Variants in EIF4B observed in about 807,000 individuals in gnomAD.
The protein encoded by EIF4B is eukaryotic translation initiation factor 4B.
Under a neutral mutation model 79.3 loss-of-function variants are expected in EIF4B, and 8 were observed. The observed-to-expected ratio is 0.10, with a 90% CI of 0.06 to 0.18. EIF4B has a LOEUF of 0.18. Among genes scored for constraint, EIF4B ranks in the 10% least tolerant of loss-of-function variants. The pLI, the probability that EIF4B is intolerant of heterozygous loss-of-function variation, is 1.00. For missense variants in EIF4B, 515 were observed against 792.4 expected (o/e 0.65, Z 4.20); for synonymous variants, 238 against 274.7 (o/e 0.87, Z 1.32).
intron 8 of EIF4B, among the ~76,000 whole-genome samples, chr12:53,032,384 G>C (rs1943461775): frequency 6.6e-6 from 1 of 152,180 alleles, no homozygotes; most frequent in Non-Finnish European, 1.5e-5. Context: ...AGTGAGTTGA[G>C]ATCACACCAC....
intron 8 of EIF4B, among the ~76,000 whole-genome samples, chr12:53,031,076 C>A (rs1943436113): frequency 6.6e-6 from 1 of 152,176 alleles, no homozygotes; most frequent in African/African-American, 2.4e-5. Context: ...TTGCTGCACC[C>A]ACGTTACTGG....
rs1242828464 is a variant in EIF4B at position 53,039,678 on chromosome 12, G to A, written c.1731G>A (p.Lys577=). 1.9e-6 allele frequency: 3 copies of A among 1,613,758 alleles called. No individual in the cohort carries two copies. The highest frequency in any genetic ancestry group is 2.2e-5 in the South Asian group (2 of 91,058). ...ACTCCAGATCTGCACCTGAGCCAAA[G>A]AAACCTGAGGAAAATCCAGCTTCCG... The part of the protein sequence containing the change: ...DQDSRSAPEP[K]KPEENPASKF... Residue 577 remains lysine, a synonymous_variant, in exon 14 of 15, where the codon AAG becomes AAA. Transcript: ENST00000262056.
intron 8 of EIF4B, among the ~76,000 whole-genome samples, chr12:53,031,648 G>A (rs1943448750): frequency 6.6e-6 from 1 of 152,182 alleles, no homozygotes. Flanking sequence ...AAGTGACGGG[G>A]CTATAACACA....
Position 53,027,866 on chromosome 12 carries a change from G to A in EIF4B, c.752G>A (p.Arg251Gln), listed in dbSNP as rs1943364616. Residue 251 changes from arginine (R) to glutamine (Q), a missense_variant, in exon 7 of 15, where the codon CGA (arginine) becomes CAA (glutamine). Physicochemically the swap from Arg to Gln is conservative, Grantham distance 43. This residue lies in a region of EIF4B where 187 missense variants were observed against 256.5 expected (regional missense o/e 0.73). Coordinates refer to ENST00000262056, the MANE Select transcript of EIF4B (RefSeq NM_001417.7). ...GATGGCCCACGCCGGGATATGGATC[G>A]ATATGGTGGCCGGGATCGCTATGAT... is the stretch of plus-strand genomic sequence containing the variant. ...YRDGPRRDMD[R>Q]YGGRDRYDDR... 8 of 1,614,244 alleles carry A rather than the reference G, an allele frequency of 5.0e-6. No homozygotes were observed. Among genetic ancestry groups the A allele is most frequent in the East Asian group, 2.2e-5 (1 of 44,894 alleles).
intron 8 of EIF4B, among the ~76,000 whole-genome samples, chr12:53,030,550 T>G (rs1390152597): frequency 1.3e-5 from 2 of 150,440 alleles, no homozygotes; most frequent in African/African-American, 2.4e-5. Flanking sequence ...GCTTCCCAAG[T>G]AGCTGGGCTT....
intron 8 of EIF4B, 93 bp downstream of exon 8, chr12:53,028,281 A>C: frequency 6.8e-7 from 1 of 1,464,692 alleles, no homozygotes; most frequent in Non-Finnish European, 9.1e-7. Flanking sequence ...AGTTGGGCAC[A>C]AATATAATTT....
rs747259852 is a variant in EIF4B, at chr12:53,019,889, T to C, written c.361-21T>C. 159 of 1,601,902 alleles carry C rather than the reference T, an allele frequency of 9.9e-5. 3 individuals carry two copies. In the South Asian group the frequency reaches 1.6e-3, roughly 16 times the overall value. Reference sequence around the variant, plus strand: ...GAAGAAGAATGCTGGGAAACTTTGTTGTTGATTCTTATTCCTTCAGATCAG... The same window carrying C: ...GAAGAAGAATGCTGGGAAACTTTGTCGTTGATTCTTATTCCTTCAGATCAG... On this transcript the variant is annotated intron_variant, in intron 3 of 14. Coordinates refer to ENST00000262056, the MANE Select transcript of EIF4B (RefSeq NM_001417.7).
intron 10 of EIF4B, among the ~76,000 whole-genome samples, chr12:53,036,286 G>A (rs543377560): frequency 1.3e-5 from 2 of 151,954 alleles, no homozygotes; most frequent in South Asian, 2.1e-4. Context: ...CTAATTTTTT[G>A]TATTTTTAGT....
Position 53,039,366 on chromosome 12 carries a change from C to T in EIF4B, c.1682+23C>T, listed in dbSNP as rs369955214. ...TAGGTATGCTTGTTCTCTTTCTCAT[C>T]TTTCCTCTGATCCACATGTTTGTGT... On this transcript the variant is annotated intron_variant, in intron 13 of 14. Coordinates refer to ENST00000262056, the MANE Select transcript of EIF4B (RefSeq NM_001417.7). 1,246 of 1,523,262 alleles carry T rather than the reference C, an allele frequency of 8.2e-4. 2 individuals carry two copies. Among genetic ancestry groups the T allele is most frequent in the Non-Finnish European group, 1.1e-3 (1,187 of 1,112,860 alleles). 94.4% of individuals were successfully genotyped at this position (1,523,262 alleles called of 1,614,324 possible). A position where few individuals can be genotyped will look rare whatever the true frequency, so the allele number is the denominator to read the frequency against.
At position 53,040,384 on chromosome 12, in the gene EIF4B, G is replaced by A. The variant is rs1943613475; in HGVS notation, c.*161G>A. 1 of 678,032 alleles carries A rather than the reference G, an allele frequency of 1.5e-6. No individual in the cohort carries two copies. The highest frequency in any genetic ancestry group is 3.0e-5 in the Admixed American group (1 of 33,206). 42.0% of individuals were successfully genotyped at this position (678,032 alleles called of 1,614,324 possible). A position where few individuals can be genotyped will look rare whatever the true frequency, so the allele number is the denominator to read the frequency against. ...AAAAAATGAAATTATTTTGCATGCT[G>A]CTGCAGCCTTTAAAGTATTGAAGTA... On this transcript the variant is annotated 3_prime_UTR_variant, in exon 15 of 15. Coordinates refer to ENST00000262056, the MANE Select transcript of EIF4B (RefSeq NM_001417.7).
rs752482262 is a variant in EIF4B, at chr12:53,006,476, C to T, written c.-8C>T. 8 of 1,613,456 alleles carry T rather than the reference C, an allele frequency of 5.0e-6. No homozygotes were observed. Among genetic ancestry groups the T allele is most frequent in the South Asian group, 3.3e-5 (3 of 91,088 alleles). On this transcript the variant is annotated 5_prime_UTR_variant, in exon 1 of 15. Transcript: ENST00000262056. ...CGGGTCTTTTGCGTTCTCTTTCCCT[C>T]TCCCAACATGGCGGCCTCAGGTGAG...
At chr12:53,011,918 G>A (rs1352770003) in intron 1 of EIF4B, among the ~76,000 whole-genome samples, 2 of 152,222 alleles carry the variant, frequency 1.3e-5, no homozygotes, top group African/African-American at 4.8e-5. Context: ...GAAAATTAAA[G>A]AATTGGACCA....
At position 53,021,695 on chromosome 12, in the gene EIF4B, C is replaced by G. The variant is rs751676085; in HGVS notation, c.478-111C>G. 1.7e-5 allele frequency: 22 copies of G among 1,258,316 alleles called. No individual in the cohort carries two copies. In the Middle Eastern group the frequency reaches 5.6e-4, roughly 32 times the overall value. The allele number at this position is 1,258,316 out of a possible 1,614,324, so 77.9% of individuals were successfully genotyped here. ...AGTGTTAGCTAGATTACAGTGTTTTCCTTTATCTTCCTTCCCCTAGTGCTT... is the reference window on the plus strand; with the variant it reads ...AGTGTTAGCTAGATTACAGTGTTTTGCTTTATCTTCCTTCCCCTAGTGCTT... On this transcript the variant is annotated intron_variant, in intron 4 of 14. Transcript: ENST00000262056.
intron 4 of EIF4B, among the ~76,000 whole-genome samples, chr12:53,020,523 C>T (rs1943231358): frequency 6.6e-6 from 1 of 152,164 alleles, no homozygotes; most frequent in Non-Finnish European, 1.5e-5. Flanking sequence ...TCTAGTCCTT[C>T]TGCTTGTCAA....
chr12:53,007,374 C>T (rs1384309930), intron 1 of EIF4B, among the ~76,000 whole-genome samples: 2 of 146,644 alleles, frequency 1.4e-5, no homozygotes, highest in Non-Finnish European at 3.0e-5. Context: ...GCTTCCGGCG[C>T]TTCCATGTTG....
Position 53,040,194 on chromosome 12 carries a change from G to T in EIF4B, c.1807G>T (p.Glu603Ter), listed in dbSNP as rs553153265. Residue 603 changes from glutamate (E) to a stop codon, truncating the protein, a stop_gained, in exon 15 of 15, where the codon GAA becomes TAA. Transcript: ENST00000262056. LOFTEE classifies it high-confidence loss of function. ...TGCTCTCTCTGTTGATGGTGAAGATGAAAATGAGGGAGAAGATTATGCCGA... is the reference window on the plus strand; with the variant it reads ...TGCTCTCTCTGTTGATGGTGAAGATTAAAATGAGGGAGAAGATTATGCCGA... ...YAALSVDGED[E>*]NEGEDYAE 6.2e-7 allele frequency: 1 copy of T among 1,614,108 alleles called. No individual in the cohort carries two copies. The highest frequency in any genetic ancestry group is 1.1e-5 in the South Asian group (1 of 91,072).
intron 6 of EIF4B, 149 bp downstream of exon 6, chr12:53,022,776 T>G: frequency 2.0e-6 from 2 of 990,342 alleles, no homozygotes; most frequent in Non-Finnish European, 2.7e-6. Context: ...CTGAAAGAAC[T>G]GATAGATGCA....
At chr12:53,031,528 C>T (rs1943446314) in intron 8 of EIF4B, among the ~76,000 whole-genome samples, 1 of 152,196 alleles carries the variant, frequency 6.6e-6, no homozygotes, top group South Asian at 2.1e-4. Flanking sequence ...CACTTGCCCT[C>T]GGCCTACCAA....
chr12:53,030,769 C>T (rs1943429497), intron 8 of EIF4B, among the ~76,000 whole-genome samples: 1 of 152,120 alleles, frequency 6.6e-6, no homozygotes, highest in African/African-American at 2.4e-5. Flanking sequence ...TAATAGCTAA[C>T]ATTTATTAAC....
Sources: allele counts gnomAD v4.1 joint callset (sites outside exome capture counted in the v4.1 genomes callset), GRCh38; gene constraint gnomAD v4.1.1; regional missense constraint gnomAD v4.1.1; transcripts MANE v1.5; gene names NCBI Gene and HGNC (gene_info 2026-07-23, HGNC 2026-07-21).